Variants in GTSF1 observed in about 807,000 individuals in gnomAD.
The protein encoded by GTSF1 is gametocyte-specific factor 1.
In GTSF1, 11 loss-of-function variants were observed where a neutral mutation model predicts 28.9. That is an observed-to-expected ratio of 0.38 (90% CI 0.24 to 0.63). The LOEUF (loss-of-function observed/expected upper bound fraction) is 0.63. Among genes scored for constraint, GTSF1 ranks in the 30% least tolerant of loss-of-function variants. The pLI, the probability that GTSF1 is intolerant of heterozygous loss-of-function variation, is 0.56. For synonymous variants in GTSF1, 69 were observed against 65.6 expected (o/e 1.05, Z -0.25); for missense variants, 146 against 201.0 (o/e 0.73, Z 1.66).
intron 8 of GTSF1, among the ~76,000 whole-genome samples, chr12:54,458,863 T>C (rs1956376067): frequency 1.3e-5 from 2 of 150,486 alleles, no homozygotes. Flanking sequence ...GTACTAATGT[T>C]AGAGAAAACA....
At chr12:54,456,624 T>C (rs1020160169) in intron 8 of GTSF1, among the ~76,000 whole-genome samples, 2 of 152,198 alleles carry the variant, frequency 1.3e-5, no homozygotes, top group African/African-American at 4.8e-5. Flanking sequence ...GATAAAAACA[T>C]AAATAGGATA....
chr12:54,459,175 A>G, intron 7 of GTSF1, 50 bp from the exon 8 acceptor site: 1 of 1,554,184 alleles, frequency 6.4e-7, no homozygotes, highest in African/African-American at 1.4e-5. Flanking sequence ...ATTGAAATTC[A>G]CTCCATCCCC....
rs140054072 is a variant in GTSF1 at position 54,465,006 on chromosome 12, T to C, written c.117+61A>G. On this transcript the variant is annotated intron_variant, in intron 3 of 8. Transcript: ENST00000305879. ...AAACATGATAAAATTATTTGATATT[T>C]ATAAAATATGGCCTTTTAAAAGAAC... The C allele has an allele frequency of 1.1e-4, 104 of 939,124 alleles. No homozygotes were observed. The East Asian group carries it at 2.5e-3, about 23-fold the overall frequency. The allele number at this position is 939,124 out of a possible 1,614,324, so 58.2% of individuals were successfully genotyped here.
intron 1 of GTSF1, chr12:54,472,373 A>T (rs527667288): frequency 6.6e-6 from 1 of 152,114 alleles, no homozygotes. Flanking sequence ...TCCAATTAAT[A>T]CTCATTCCCT....
intron 8 of GTSF1, among the ~76,000 whole-genome samples, chr12:54,457,369 G>A (rs1246906994): frequency 1.3e-5 from 2 of 152,190 alleles, no homozygotes; most frequent in African/African-American, 4.8e-5. Context: ...TTGTTTGATC[G>A]CCAGACACCT....
At position 54,462,375 on chromosome 12, in the gene GTSF1, C is replaced by T. The variant is rs545785120; in HGVS notation, c.329-203G>A. ...CACAAGCAACATAAATAATAATAAACGTGCCTACTAACAATCAAACACAGA... is the reference window on the plus strand; with the variant it reads ...CACAAGCAACATAAATAATAATAAATGTGCCTACTAACAATCAAACACAGA... On this transcript the variant is annotated intron_variant, in intron 5 of 8. Transcript: ENST00000305879. 2.0e-5 allele frequency among the ~76,000 whole-genome samples: 3 copies of T among 152,220 alleles called. No individual in the cohort carries two copies. In the East Asian group the frequency reaches 5.8e-4, roughly 29 times the overall value.
At chr12:54,466,620 A>C (rs1283831617) in intron 2 of GTSF1, among the ~76,000 whole-genome samples, 1 of 152,084 alleles carries the variant, frequency 6.6e-6, no homozygotes, top group Non-Finnish European at 1.5e-5. Flanking sequence ...TCACTAGCAA[A>C]TGTTAGGCCA....
chr12:54,464,814 G>C (rs576044936), intron 3 of GTSF1: 2 of 248,872 alleles, frequency 8.0e-6, no homozygotes, highest in Non-Finnish European at 1.6e-5. Context: ...TTTTACAAAG[G>C]GTGAGAAGAC....
intron 8 of GTSF1, among the ~76,000 whole-genome samples, chr12:54,457,279 C>T (rs1337472441): frequency 6.6e-6 from 1 of 152,168 alleles, no homozygotes; most frequent in Non-Finnish European, 1.5e-5. Context: ...AGAGAAGGGT[C>T]TGGTCTTAAG....
intron 7 of GTSF1, among the ~76,000 whole-genome samples, chr12:54,459,758 G>C (rs1478362565): frequency 1.0e-5 from 1 of 96,392 alleles, no homozygotes; most frequent in African/African-American, 4.7e-5. Context: ...ACGGAGTCTC[G>C]CTCTGTCGCC....
rs1421314041 is a variant in GTSF1, at chr12:54,460,397, T to C, written c.467A>G (p.Tyr156Cys). 6.2e-7 allele frequency: 1 copy of C among 1,613,400 alleles called. No individual in the cohort carries two copies. Among genetic ancestry groups the C allele is most frequent in the Non-Finnish European group, 8.5e-7 (1 of 1,179,362 alleles). The change falls in exon 7 of 9, where the codon TAT (tyrosine) becomes TGT (cysteine). Residue 156 changes from tyrosine (Y) to cysteine (C), a missense_variant. Physicochemically the swap from Tyr to Cys is radical, Grantham distance 194. Coordinates refer to ENST00000305879, the MANE Select transcript of GTSF1 (RefSeq NM_144594.3). ...CTTACTGTTTTTCCATGGCAGAACA[T>C]ACGGCAGAGATTTGGGAACTCGCAT... ...SGMRVPKSLP[Y>C]VLPWKNNGNA...
At chr12:54,471,473 C>A (rs935444152) in intron 1 of GTSF1, among the ~76,000 whole-genome samples, 196 bp from the exon 2 acceptor site, 10 of 152,126 alleles carry the variant, frequency 6.6e-5, no homozygotes, top group Non-Finnish European at 2.9e-5. Context: ...TGGCCTAATT[C>A]ACATTCTTGG....
intron 4 of GTSF1, among the ~76,000 whole-genome samples, 170 bp downstream of exon 4, chr12:54,463,001 T>C (rs1336879300): frequency 6.6e-6 from 1 of 152,226 alleles, no homozygotes; most frequent in Non-Finnish European, 1.5e-5. Context: ...GAAAACAGTA[T>C]GACATGTACA....
chr12:54,460,206 G>C (rs149277627), intron 7 of GTSF1, among the ~76,000 whole-genome samples, 171 bp downstream of exon 7: 1 of 152,088 alleles, frequency 6.6e-6, no homozygotes, highest in African/African-American at 2.4e-5. Context: ...TCCTAACCAC[G>C]GTCAGTAGGG....
Position 54,456,014 on chromosome 12 carries a change from T to C in GTSF1, c.*160A>G, listed in dbSNP as rs1034288034. 1 of 152,574 alleles carries C rather than the reference T, an allele frequency of 6.6e-6. No individual in the cohort carries two copies. Among genetic ancestry groups the C allele is most frequent in the African/African-American group, 2.4e-5 (1 of 41,428 alleles). The allele number at this position is 152,574 out of a possible 1,614,324, so 9.5% of individuals were successfully genotyped here. The stretch of plus-strand genomic sequence containing the variant: ...TGAGTATGAGGGTTCTTGCATTAAA[T>C]GAGGATTCAAGGGGGGAGGAAAAAA... On this transcript the variant is annotated 3_prime_UTR_variant, in exon 9 of 9. Coordinates refer to ENST00000305879, the MANE Select transcript of GTSF1 (RefSeq NM_144594.3).
intron 2 of GTSF1, among the ~76,000 whole-genome samples, chr12:54,469,570 A>G (rs1027193481): frequency 1.1e-4 from 16 of 150,236 alleles, no homozygotes; most frequent in African/African-American, 3.9e-4. Flanking sequence ...CACCTGTAGT[A>G]CCAGCTACTC....
intron 2 of GTSF1, among the ~76,000 whole-genome samples, chr12:54,468,504 C>T (rs1192433387): frequency 6.6e-6 from 1 of 152,210 alleles, no homozygotes; most frequent in East Asian, 1.9e-4. Flanking sequence ...TAAATACTAT[C>T]AAACTGCTCT....
chr12:54,463,691 CA>C (rs1302943118), intron 3 of GTSF1, among the ~76,000 whole-genome samples: 1 of 152,130 alleles, frequency 6.6e-6, no homozygotes, highest in African/African-American at 2.4e-5. Flanking sequence ...AGATGAATAG[CA>C]ACACTAAAAT....
chr12:54,458,695 A>T (rs1268663428), intron 8 of GTSF1, among the ~76,000 whole-genome samples: 1 of 152,188 alleles, frequency 6.6e-6, no homozygotes, highest in Non-Finnish European at 1.5e-5. Flanking sequence ...TTAAGTGCTC[A>T]TTAAAAAAAG....
Sources: gnomAD v4.1 joint callset for allele counts (sites outside exome capture counted in the v4.1 genomes callset) on GRCh38, gnomAD v4.1.1 for gene constraint, MANE v1.5 for transcripts, NCBI Gene and HGNC (gene_info 2026-07-23, HGNC 2026-07-21) for gene names.